The following FBLN5 variants were observed in gnomAD, a reference collection of about 807,000 sequenced individuals.
The protein encoded by FBLN5 is fibulin 5.
In FBLN5, 24 loss-of-function variants were observed where a neutral mutation model predicts 61.6. The ratio of observed to expected loss-of-function variants is 0.39; its 90% CI spans 0.28 to 0.55. The LOEUF is 0.55. Ranked by LOEUF, FBLN5 falls within the 20% of genes least tolerant of loss-of-function variation. The probability of loss-of-function intolerance (pLI) is 0.65; values close to 1 mark genes in which losing one functional copy is unlikely to be tolerated. For synonymous variants in FBLN5, 213 were observed against 219.8 expected, an observed-to-expected ratio of 0.97 and a Z score of 0.27; for missense variants, 470 against 594.1, an observed-to-expected ratio of 0.79 and a Z score of 2.17.
intron 4 of FBLN5, among the ~76,000 whole-genome samples, chr14:91,906,229 C>T (rs1485450312): frequency 6.6e-6 from 1 of 152,180 alleles, no homozygotes; most frequent in African/African-American, 2.4e-5. Flanking sequence ...CTGCCAATCC[C>T]CTGCCCTCTC....
rs533840458 is a variant in FBLN5 at position 91,871,284 on chromosome 14, A to G, written c.1186-899T>C. ...CTTTTTTTGTTAAACTAACAATTCC[A>G]GGGGCCCATTCCAAGATTTTCTATG... On this transcript the variant is annotated intron_variant, in intron 10 of 10. Transcript: ENST00000342058. Among the ~76,000 whole-genome samples the G allele has an allele frequency of 2.5e-4, 38 of 150,406 alleles. No homozygotes were observed. In the South Asian group the frequency reaches 7.6e-3, roughly 30 times the overall value.
At chr14:91,933,357 C>A (rs1371650025) in intron 4 of FBLN5, among the ~76,000 whole-genome samples, 3 of 152,242 alleles carry the variant, frequency 2.0e-5, no homozygotes, top group Middle Eastern at 6.8e-3. Context: ...TCACTGCAAC[C>A]TCCACCTCCT....
At chr14:91,887,619 C>A (rs1262019281) in intron 6 of FBLN5, among the ~76,000 whole-genome samples, 3 of 152,132 alleles carry the variant, frequency 2.0e-5, no homozygotes, top group Non-Finnish European at 4.4e-5. Flanking sequence ...CCAACGCACC[C>A]CCCCAACCAG....
chr14:91,938,962 CAAATCAAAACACCTTATTTTA>C (rs2056064050), intron 3 of FBLN5, among the ~76,000 whole-genome samples: 1 of 152,180 alleles, frequency 6.6e-6, no homozygotes, highest in Non-Finnish European at 1.5e-5. Flanking sequence ...ATCAAATCTT[CAAATCAAAACACCTTATTTTA>C]AAATCAAAAC....
At chr14:91,937,991 T>G (rs1286223820) in intron 3 of FBLN5, among the ~76,000 whole-genome samples, 1 of 152,194 alleles carries the variant, frequency 6.6e-6, no homozygotes, top group Non-Finnish European at 1.5e-5. Flanking sequence ...TAAAAATAAA[T>G]ATACACTATT....
rs369441736 is a variant in FBLN5, at chr14:91,947,687, C to T, written c.-458G>A. 7.6e-4 allele frequency: 120 copies of T among 157,248 alleles called. 2 individuals carry two copies. In the South Asian group the frequency reaches 0.023, roughly 30 times the overall value. The allele number at this position is 157,248 out of a possible 1,614,324, so 9.7% of individuals were successfully genotyped here. Reference sequence around the variant, plus strand: ...CCGCGCTCGGCTGCGAGCGCCCGGGCAGAAGGCGAGGGGCGGGCGCGCGCA... The same window carrying T: ...CCGCGCTCGGCTGCGAGCGCCCGGGTAGAAGGCGAGGGGCGGGCGCGCGCA... On this transcript the variant is annotated 5_prime_UTR_variant, in exon 1 of 11. Transcript: ENST00000342058. The surrounding 1 kb of genome is among the most constrained non-coding windows in gnomAD (Gnocchi z 4.3).
At position 91,947,118 on chromosome 14, in the gene FBLN5, C is replaced by A; in HGVS notation, c.17+95G>T. 1 of 1,581,404 alleles carries A rather than the reference C, an allele frequency of 6.3e-7. No individual in the cohort carries two copies. Among genetic ancestry groups the A allele is most frequent in the African/African-American group, 1.3e-5 (1 of 74,304 alleles). On this transcript the variant is annotated intron_variant, in intron 1 of 10. Coordinates refer to ENST00000342058, the MANE Select transcript of FBLN5 (RefSeq NM_006329.4). This position sits in a 1 kb window ranked among gnomAD's most constrained non-coding sequence, Gnocchi z 4.3. The stretch of plus-strand genomic sequence containing the variant: ...CATGCCTTTTCCAATATCCTGACAC[C>A]GCCTGAATCGCAGCCATAACCATTT...
chr14:91,927,062 A>G (rs1354719156), intron 4 of FBLN5, among the ~76,000 whole-genome samples: 1 of 152,200 alleles, frequency 6.6e-6, no homozygotes, highest in Admixed American at 6.5e-5. Context: ...TGCTCACTTC[A>G]GATCCTTTGA....
chr14:91,937,063 T>G lies in FBLN5; in HGVS notation c.263A>C (p.Tyr88Ser). The change falls in exon 4 of 11, where the codon TAC (tyrosine) becomes TCC (serine). Residue 88 changes from tyrosine (Y) to serine (S), a missense_variant. Transcript: ENST00000342058. Reference protein sequence around the residue: ...GPYSNPYSTPYSGPYPAAAPP... With the variant: ...GPYSNPYSTPSSGPYPAAAPP... Reference sequence around the variant, plus strand: ...GGCAGCTGCTGGGTACGGACCTGAGTAGGGGGTCGAGTAGGGGTTCGAGTA... The same window carrying G: ...GGCAGCTGCTGGGTACGGACCTGAGGAGGGGGTCGAGTAGGGGTTCGAGTA... The G allele has an allele frequency of 6.2e-7, 1 of 1,613,358 alleles. No homozygotes were observed. The highest frequency in any genetic ancestry group is 8.5e-7 in the Non-Finnish European group (1 of 1,179,812).
intron 4 of FBLN5, among the ~76,000 whole-genome samples, chr14:91,910,204 G>T (rs1184462619): frequency 6.6e-6 from 1 of 152,146 alleles, no homozygotes; most frequent in African/African-American, 2.4e-5. Context: ...AAAAAGGAAG[G>T]AAACTCTAGC....
Position 91,917,637 on chromosome 14 carries a change from A to ATTG in FBLN5, c.379+19307_379+19309dup, listed in dbSNP as rs1220985844. Reference sequence around the variant, plus strand: ...AAAACAAAATACGTTTAGGTAGTTTATTGTTGTTTTGCTTAAGCTACTTGG... The same window carrying ATTG: ...AAAACAAAATACGTTTAGGTAGTTTATTGTTGTTGTTTTGCTTAAGCTACTTGG... On this transcript the variant is annotated intron_variant, in intron 4 of 10. Coordinates refer to ENST00000342058, the MANE Select transcript of FBLN5 (RefSeq NM_006329.4). Among the ~76,000 whole-genome samples the ATTG allele has an allele frequency of 2.7e-5, 4 of 150,042 alleles. No individual in the cohort carries two copies. In the South Asian group the frequency reaches 8.5e-4, roughly 32 times the overall value.
chr14:91,939,337 A>AT (rs5810562), intron 3 of FBLN5, among the ~76,000 whole-genome samples: 1,914 of 115,728 alleles, frequency 0.017, 40 homozygotes, highest in African/African-American at 0.046. Context: ...ACCTCCATTA[A>AT]TTTTTTTTTT....
intron 7 of FBLN5, among the ~76,000 whole-genome samples, chr14:91,884,165 C>T (rs754956733): frequency 2.2e-4 from 33 of 152,294 alleles, no homozygotes; most frequent in Middle Eastern, 6.8e-3. Context: ...GGGTGTTACA[C>T]GCCTTGTGCC....
rs763353808 is a variant in FBLN5, at chr14:91,946,720, T to C, written c.17+493A>G. The stretch of plus-strand genomic sequence containing the variant: ...CAAAACATTTGCTTACATGTATCTC[T>C]GTCTGCAGTTCCCACTTCTCATTGG... On this transcript the variant is annotated intron_variant, in intron 1 of 10. Transcript: ENST00000342058. 1.1e-4 allele frequency: 173 copies of C among 1,535,666 alleles called. 1 individual carries two copies. Among genetic ancestry groups the C allele is most frequent in the Non-Finnish European group, 3.3e-5 (38 of 1,146,578 alleles).
chr14:91,907,055 C>A (rs1890713929), intron 4 of FBLN5, among the ~76,000 whole-genome samples: 1 of 152,206 alleles, frequency 6.6e-6, no homozygotes, highest in South Asian at 2.1e-4. Context: ...CTAGAAGGAT[C>A]CTGCAGCAGA....
intron 5 of FBLN5, among the ~76,000 whole-genome samples, chr14:91,891,720 A>G (rs143737538): frequency 2.6e-5 from 4 of 152,290 alleles, no homozygotes; most frequent in African/African-American, 9.6e-5. Context: ...AAGATTTGAG[A>G]TTACCCAGCT....
intron 4 of FBLN5, among the ~76,000 whole-genome samples, chr14:91,910,035 A>G (rs956801159): frequency 7.9e-5 from 12 of 152,218 alleles, no homozygotes; most frequent in Non-Finnish European, 5.9e-5. Flanking sequence ...TACGTACAAA[A>G]TAATTGTAAG....
At chr14:91,909,806 C>A (rs1310077615) in intron 4 of FBLN5, among the ~76,000 whole-genome samples, 3 of 152,078 alleles carry the variant, frequency 2.0e-5, no homozygotes, top group Non-Finnish European at 2.9e-5. Context: ...TCAGTTATAG[C>A]AACACCAAAG....
chr14:91,929,598 C>T (rs1278622374), intron 4 of FBLN5, among the ~76,000 whole-genome samples: 2 of 152,358 alleles, frequency 1.3e-5, no homozygotes, highest in East Asian at 3.9e-4. Flanking sequence ...CACCATGCTA[C>T]CTCAATCTAG....
Sources: gnomAD v4.1 joint callset for allele counts (sites outside exome capture counted in the v4.1 genomes callset) on GRCh38, gnomAD v4.1.1 for gene constraint, Gnocchi (gnomAD v3.1) non-coding constraint, MANE v1.5 for transcripts, NCBI Gene and HGNC (gene_info 2026-07-23, HGNC 2026-07-21) for gene names.